Variants in STXBP5L observed in about 807,000 individuals in gnomAD.
STXBP5L encodes the protein syntaxin-binding protein 5-like.
STXBP5L carries 65 observed loss-of-function variants against 144.5 expected under a neutral mutation model. That is an observed-to-expected ratio of 0.45 (90% confidence interval 0.37 to 0.55). The LOEUF (loss-of-function observed/expected upper bound fraction) is 0.55, where lower values mean the gene tolerates loss of function less well. Ranked by LOEUF, STXBP5L falls within the 20% of genes least tolerant of loss-of-function variation. The probability of loss-of-function intolerance (pLI) is 0.00; values close to 1 mark genes in which losing one functional copy is unlikely to be tolerated. For synonymous variants in STXBP5L, 505 were observed against 469.6 expected, an observed-to-expected ratio of 1.08 and a Z score of -0.97; for missense variants, 1,298 against 1,405.5, an observed-to-expected ratio of 0.92 and a Z score of 1.22.
At chr3:121,081,950 G>T (rs1456060742) in intron 5 of STXBP5L, among the ~76,000 whole-genome samples, 1 of 152,226 alleles carries the variant, frequency 6.6e-6, no homozygotes, top group African/African-American at 2.4e-5. Context: ...TCTATTTCAA[G>T]ATTCTTTATT....
chr3:121,228,492 A>G (rs2049193538), intron 11 of STXBP5L, among the ~76,000 whole-genome samples: 1 of 152,252 alleles, frequency 6.6e-6, no homozygotes, highest in Non-Finnish European at 1.5e-5. Context: ...AATGTGACAG[A>G]AATAGAAATT....
intron 3 of STXBP5L, among the ~76,000 whole-genome samples, chr3:120,977,749 A>G (rs1237238877): frequency 1.3e-5 from 2 of 152,130 alleles, no homozygotes; most frequent in African/African-American, 4.8e-5. Context: ...GGTGGTGACA[A>G]AATCTCTCAG....
chr3:121,014,417 T>C (rs1412473842), intron 3 of STXBP5L, among the ~76,000 whole-genome samples: 1 of 152,008 alleles, frequency 6.6e-6, no homozygotes, highest in Non-Finnish European at 1.5e-5. Flanking sequence ...ATACAGTATA[T>C]ATTGTTTTCT....
At chr3:121,157,382 ATGTTTTT>A in intron 8 of STXBP5L, 115 bp from the exon 9 acceptor site, 1 of 1,064,450 alleles carries the variant, frequency 9.4e-7, no homozygotes, top group Non-Finnish European at 1.3e-6. Flanking sequence ...CAGAAAAATT[ATGTTTTT>A]TAAGTGTTGT....
chr3:120,960,751 G>A (rs1268930934), intron 3 of STXBP5L, among the ~76,000 whole-genome samples: 1 of 152,016 alleles, frequency 6.6e-6, no homozygotes, highest in Non-Finnish European at 1.5e-5. Flanking sequence ...CACACCCTGG[G>A]GCCTGTTGTG....
At chr3:121,024,857 T>G (rs1362142983) in intron 3 of STXBP5L, among the ~76,000 whole-genome samples, 1 of 152,156 alleles carries the variant, frequency 6.6e-6, no homozygotes, top group African/African-American at 2.4e-5. Flanking sequence ...AGCAATTGAT[T>G]TAGAAAACCC....
intron 10 of STXBP5L, among the ~76,000 whole-genome samples, chr3:121,211,762 A>T (rs907446300): frequency 2.2e-4 from 34 of 151,738 alleles, no homozygotes; most frequent in African/African-American, 8.0e-4. Context: ...TATTTACTTT[A>T]GAAGAGACAG....
At chr3:121,074,984 G>C (rs1404979670) in intron 5 of STXBP5L, among the ~76,000 whole-genome samples, 1 of 152,122 alleles carries the variant, frequency 6.6e-6, no homozygotes, top group Non-Finnish European at 1.5e-5. Context: ...TTACTCCTGA[G>C]TGCTCTGCAC....
chr3:121,039,512 C>A (rs977664987), intron 3 of STXBP5L, among the ~76,000 whole-genome samples: 2 of 151,630 alleles, frequency 1.3e-5, no homozygotes, highest in Admixed American at 1.3e-4. Context: ...TATATTTACC[C>A]ATATATTTAT....
In STXBP5L at chr3:120,974,619, T is replaced by G. The variant is rs1940714515; in HGVS notation, c.287+19582T>G. On this transcript the variant is annotated intron_variant, in intron 3 of 26. Transcript: ENST00000471454. ...GTTTTAGAGATGAAGTCCTTGCACA[T>G]GCCTATGTCCTGAATGTTAATGCGT... Among the ~76,000 whole-genome samples the G allele has an allele frequency of 2.0e-5, 3 of 152,370 alleles. No homozygotes were observed. In the South Asian group the frequency reaches 6.2e-4, roughly 32 times the overall value.
chr3:121,118,572 G>A (rs1480705402), intron 6 of STXBP5L, among the ~76,000 whole-genome samples: 1 of 151,598 alleles, frequency 6.6e-6, no homozygotes, highest in Non-Finnish European at 1.5e-5. Context: ...AGACTTTAAA[G>A]ACTAATAGGG....
intron 3 of STXBP5L, among the ~76,000 whole-genome samples, chr3:120,973,921 T>A (rs1235335255): frequency 1.3e-5 from 2 of 152,214 alleles, no homozygotes; most frequent in African/African-American, 2.4e-5. Context: ...TATGCCACAT[T>A]TTCTTAATCC....
At chr3:121,180,203 C>T (rs1398096677) in intron 9 of STXBP5L, among the ~76,000 whole-genome samples, 3 of 152,010 alleles carry the variant, frequency 2.0e-5, no homozygotes, top group Non-Finnish European at 1.5e-5. Context: ...ATCAGGTAAC[C>T]CATAAAGGAA....
chr3:120,956,160 T>C (rs967038437), intron 3 of STXBP5L, among the ~76,000 whole-genome samples: 2 of 151,922 alleles, frequency 1.3e-5, no homozygotes, highest in Non-Finnish European at 2.9e-5. Context: ...TGCCCAGGAG[T>C]ACAACTGAAG....
At chr3:121,318,629 A>G in intron 20 of STXBP5L, 89 bp downstream of exon 20, 3 of 961,868 alleles carry the variant, frequency 3.1e-6, no homozygotes, top group Non-Finnish European at 4.4e-6. Context: ...TGTGAAATTT[A>G]TAATTTTAGT....
At chr3:120,971,294 G>A (rs1940218403) in intron 3 of STXBP5L, among the ~76,000 whole-genome samples, 1 of 151,892 alleles carries the variant, frequency 6.6e-6, no homozygotes, top group Admixed American at 6.6e-5. Context: ...ATTGAGTAGT[G>A]GAGAAATTGA....
chr3:120,970,083 A>AC (rs148776589), intron 3 of STXBP5L, among the ~76,000 whole-genome samples: 114 of 150,586 alleles, frequency 7.6e-4, no homozygotes, highest in African/African-American at 2.2e-3. Flanking sequence ...ACCCTTTAAC[A>AC]CCCCCCCAAT....
intron 7 of STXBP5L, among the ~76,000 whole-genome samples, chr3:121,150,698 T>C (rs2045901069): frequency 6.6e-6 from 1 of 152,150 alleles, no homozygotes; most frequent in Admixed American, 6.6e-5. Context: ...GATTATATTA[T>C]TCATTTTATT....
intron 20 of STXBP5L, among the ~76,000 whole-genome samples, chr3:121,329,087 G>A (rs182109452): frequency 6.6e-6 from 1 of 151,938 alleles, no homozygotes; most frequent in Admixed American, 6.6e-5. Flanking sequence ...GTATCTGTAT[G>A]CACATCTATG....
Sources: allele counts gnomAD v4.1 joint callset (sites outside exome capture counted in the v4.1 genomes callset), GRCh38; gene constraint gnomAD v4.1.1; transcripts MANE v1.5; gene names NCBI Gene and HGNC (gene_info 2026-07-23, HGNC 2026-07-21).